PPP1R12A: variants seen among roughly 807,000 people sequenced by gnomAD.
The protein encoded by PPP1R12A is myosin binding subunit.
Under a neutral mutation model 139.6 loss-of-function variants are expected in PPP1R12A, and 19 were observed. That is an observed-to-expected ratio of 0.14 (90% CI 0.09 to 0.20). The LOEUF (loss-of-function observed/expected upper bound fraction) is 0.20. Ranked by LOEUF, PPP1R12A falls within the 10% of genes least tolerant of loss-of-function variation. The probability of loss-of-function intolerance (pLI) is 1.00; values close to 1 mark genes in which losing one functional copy is unlikely to be tolerated. For missense variants in PPP1R12A, 925 were observed against 1,211.5 expected, an observed-to-expected ratio of 0.76 and a Z score of 3.51; for synonymous variants, 427 against 420.6, an observed-to-expected ratio of 1.02 and a Z score of -0.19.
intron 2 of PPP1R12A, among the ~76,000 whole-genome samples, chr12:79,872,045 T>C (rs926917132): frequency 1.3e-5 from 2 of 151,868 alleles, no homozygotes; most frequent in African/African-American, 4.8e-5. Flanking sequence ...AGATATTGTA[T>C]CTCCAGCACA....
intron 2 of PPP1R12A, among the ~76,000 whole-genome samples, chr12:79,861,104 T>C (rs1037746976): frequency 2.6e-5 from 4 of 151,474 alleles, no homozygotes; most frequent in African/African-American, 9.8e-5. Context: ...GAACAGGGTT[T>C]CTTGGAGAAA....
intron 5 of PPP1R12A, among the ~76,000 whole-genome samples, chr12:79,822,666 G>C (rs1043159422): frequency 6.6e-6 from 1 of 152,084 alleles, no homozygotes; most frequent in African/African-American, 2.4e-5. Context: ...AGAATATATG[G>C]TTCTTTGTGA....
intron 19 of PPP1R12A, among the ~76,000 whole-genome samples, chr12:79,792,698 C>T (rs931998936): frequency 2.6e-5 from 4 of 152,080 alleles, no homozygotes; most frequent in African/African-American, 7.2e-5. Context: ...ATCTCCCTTC[C>T]ACTCCAGCCT....
chr12:79,784,111 T>A (rs2136981785), intron 22 of PPP1R12A, among the ~76,000 whole-genome samples: 1 of 152,082 alleles, frequency 6.6e-6, no homozygotes, highest in Non-Finnish European at 1.5e-5. Flanking sequence ...GTGGCAAATA[T>A]CTGACGCAAA....
chr12:79,807,513 T>C (rs1244961546), intron 11 of PPP1R12A, among the ~76,000 whole-genome samples, 183 bp from the exon 12 acceptor site: 1 of 152,042 alleles, frequency 6.6e-6, no homozygotes, highest in Non-Finnish European at 1.5e-5. Flanking sequence ...AGGTATAATT[T>C]TTCCCCTAAG....
chr12:79,875,615 A>G (rs1314962023), intron 1 of PPP1R12A, among the ~76,000 whole-genome samples: 1 of 152,234 alleles, frequency 6.6e-6, no homozygotes, highest in Non-Finnish European at 1.5e-5. Context: ...AGACATATTA[A>G]TTTACACACT....
At chr12:79,832,533 T>C in intron 3 of PPP1R12A, 42 bp from the exon 4 acceptor site, 5 of 1,528,638 alleles carry the variant, frequency 3.3e-6, no homozygotes, top group Non-Finnish European at 4.4e-6. Context: ...TGCTTAAAAA[T>C]TGTTCCATGT....
At chr12:79,791,926 T>C (rs1871924217) in intron 19 of PPP1R12A, among the ~76,000 whole-genome samples, 1 of 152,178 alleles carries the variant, frequency 6.6e-6, no homozygotes, top group African/African-American at 2.4e-5. Context: ...GCTTATTTCA[T>C]TTAGCATAAC....
chr12:79,881,603 G>A (rs1883642544), intron 1 of PPP1R12A, among the ~76,000 whole-genome samples: 1 of 152,210 alleles, frequency 6.6e-6, no homozygotes, highest in Non-Finnish European at 1.5e-5. Context: ...AGTGCAAGGT[G>A]AAGCAGCAAG....
intron 1 of PPP1R12A, among the ~76,000 whole-genome samples, chr12:79,923,238 C>G (rs1019034142): frequency 6.6e-6 from 1 of 152,218 alleles, no homozygotes; most frequent in African/African-American, 2.4e-5. Context: ...CACGCCCCTG[C>G]ACTCCAGCCT....
At chr12:79,776,646 A>G (rs910923349) in intron 24 of PPP1R12A, among the ~76,000 whole-genome samples, 7 of 152,130 alleles carry the variant, frequency 4.6e-5, no homozygotes, top group Admixed American at 6.6e-5. Context: ...CTATGATCCA[A>G]CTATTACAAA....
rs1014104134 is a variant in PPP1R12A, at chr12:79,817,457, A to T, written c.1176T>A (p.Pro392=). The change falls in exon 9 of 25, where the codon CCT becomes CCA. Residue 392 remains proline, a synonymous_variant. Coordinates refer to ENST00000450142, the MANE Select transcript of PPP1R12A (RefSeq NM_002480.3). Reference sequence around the variant, plus strand: ...ACACAGTAGGTGTTGTAACAGCTACAGGAGCTGCTTGTGTACTAGAAGTGT... The same window carrying T: ...ACACAGTAGGTGTTGTAACAGCTACTGGAGCTGCTTGTGTACTAGAAGTGT... ...NANTSSTQAA[P]VAVTTPTVSS... 1 of 1,610,128 alleles carries T rather than the reference A, an allele frequency of 6.2e-7. No individual in the cohort carries two copies. Among genetic ancestry groups the T allele is most frequent in the Non-Finnish European group, 8.5e-7 (1 of 1,177,662 alleles).
At chr12:79,798,351 G>T (rs1333430430) in intron 15 of PPP1R12A, 143 bp downstream of exon 15, 3 of 478,624 alleles carry the variant, frequency 6.3e-6, no homozygotes, top group East Asian at 6.3e-5. Flanking sequence ...TACCTTTTAA[G>T]GATTTACTCA....
At chr12:79,915,746 C>G (rs552510503) in intron 1 of PPP1R12A, among the ~76,000 whole-genome samples, 2 of 152,180 alleles carry the variant, frequency 1.3e-5, no homozygotes, top group South Asian at 2.1e-4. Context: ...AGGATAGGGT[C>G]AAGATTAAGA....
At chr12:79,877,619 G>A (rs761972790) in intron 1 of PPP1R12A, among the ~76,000 whole-genome samples, 1 of 152,140 alleles carries the variant, frequency 6.6e-6, no homozygotes, top group African/African-American at 2.4e-5. Flanking sequence ...GGGTTCAACC[G>A]ATCCTCTTGC....
chr12:79,894,380 G>C (rs937446395), intron 1 of PPP1R12A, among the ~76,000 whole-genome samples: 19 of 152,016 alleles, frequency 1.2e-4, no homozygotes, highest in Non-Finnish European at 2.4e-4. Context: ...TTCTTTTTTG[G>C]AGTGGTGCCT....
rs773025247 is a variant in PPP1R12A, at chr12:79,872,980, T to G, written c.238-42A>C. 16 of 1,575,668 alleles carry G rather than the reference T, an allele frequency of 1.0e-5. No homozygotes were observed. In the Admixed American group the frequency reaches 2.9e-4, roughly 28 times the overall value. On this transcript the variant is annotated intron_variant, in intron 1 of 24. Coordinates refer to ENST00000450142, the MANE Select transcript of PPP1R12A (RefSeq NM_002480.3). ...AAGCAAGATTGGAAAAAATACGAAT[T>G]AACACTCCAAATAATACATCAATAG...
At chr12:79,875,961 A>G (rs1240375669) in intron 1 of PPP1R12A, among the ~76,000 whole-genome samples, 1 of 152,222 alleles carries the variant, frequency 6.6e-6, no homozygotes, top group East Asian at 1.9e-4. Context: ...TATTAATGTC[A>G]GACTGTAACT....
intron 1 of PPP1R12A, among the ~76,000 whole-genome samples, chr12:79,886,467 TATTCAAATGAG>T (rs1285441180): frequency 6.6e-6 from 1 of 152,176 alleles, no homozygotes; most frequent in Non-Finnish European, 1.5e-5. Context: ...AATAATTAAA[TATTCAAATGAG>T]ATTCAAATGA....
Sources: allele counts gnomAD v4.1 joint callset (sites outside exome capture counted in the v4.1 genomes callset), GRCh38; gene constraint gnomAD v4.1.1; transcripts MANE v1.5; gene names NCBI Gene and HGNC (gene_info 2026-07-23, HGNC 2026-07-21).